Variants in PTTG1IP observed in about 807,000 individuals in gnomAD.
The protein encoded by PTTG1IP is pituitary tumor-transforming gene 1 protein-interacting protein.
A neutral mutation model predicts 24.4 loss-of-function variants in PTTG1IP; 16 were observed. That is an observed-to-expected ratio of 0.66 (90% confidence interval 0.44 to 1.00). The LOEUF (loss-of-function observed/expected upper bound fraction) is 1.00. PTTG1IP is among the 50% of genes least tolerant of loss of function. The pLI is 0.00. For missense variants in PTTG1IP, 241 were observed against 245.8 expected (o/e 0.98, Z 0.13); for synonymous variants, 89 against 96.8 (o/e 0.92, Z 0.47).
At chr21:44,852,256 C>T (rs2083417005) in intron 5 of PTTG1IP, among the ~76,000 whole-genome samples, 2 of 151,968 alleles carry the variant, frequency 1.3e-5, no homozygotes, top group African/African-American at 4.8e-5. Flanking sequence ...AGTCTCGGCT[C>T]ACTGCAATCT....
At chr21:44,857,000 A>G (rs1026768359) in intron 3 of PTTG1IP, among the ~76,000 whole-genome samples, 2 of 152,268 alleles carry the variant, frequency 1.3e-5, no homozygotes, top group African/African-American at 4.8e-5. Flanking sequence ...CCCTGTTATG[A>G]TTTCCTTAAC....
intron 1 of PTTG1IP, among the ~76,000 whole-genome samples, chr21:44,868,956 A>C (rs1220960580): frequency 2.0e-5 from 3 of 152,222 alleles, no homozygotes; most frequent in African/African-American, 4.8e-5. Flanking sequence ...AGTTATCTCC[A>C]CCATAACCCA....
At chr21:44,867,483 C>T (rs958507496) in intron 1 of PTTG1IP, among the ~76,000 whole-genome samples, 35 of 152,302 alleles carry the variant, frequency 2.3e-4, no homozygotes, top group African/African-American at 7.9e-4. Context: ...GTCTCGGTCG[C>T]GGCTATGTGG....
intron 1 of PTTG1IP, among the ~76,000 whole-genome samples, chr21:44,867,445 G>T (rs1363758712): frequency 6.6e-6 from 1 of 152,114 alleles, no homozygotes; most frequent in African/African-American, 2.4e-5. Context: ...ATGCGTGGGG[G>T]AGGCTGAATC....
intron 3 of PTTG1IP, among the ~76,000 whole-genome samples, chr21:44,857,032 C>T (rs1422293543): frequency 2.0e-5 from 3 of 152,220 alleles, no homozygotes; most frequent in African/African-American, 7.2e-5. Flanking sequence ...CACACGTGCA[C>T]ATTTAAAACA....
In PTTG1IP at chr21:44,873,584, C is replaced by A; in HGVS notation, c.33G>T (p.Pro11=). The stretch of plus-strand genomic sequence containing the variant: ...CGCCACCGAGGCGCAACCTCCAGTA[C>A]GGCGTCGGCCCGCGGGCCACTCCGG... MAPGVARGPT[P]YWRLRLGGAA... is the part of the protein sequence containing the mutation. The change falls in exon 1 of 6, where the codon CCG becomes CCT. Residue 11 remains proline, a synonymous_variant. Coordinates refer to ENST00000330938, the MANE Select transcript of PTTG1IP (RefSeq NM_004339.4). 1.4e-6 allele frequency: 2 copies of A among 1,461,598 alleles called. No homozygotes were observed. Among genetic ancestry groups the A allele is most frequent in the South Asian group, 1.3e-5 (1 of 76,820 alleles). The allele number at this position is 1,461,598 out of a possible 1,614,324, so 90.5% of individuals were successfully genotyped here. A position where few individuals can be genotyped will look rare whatever the true frequency, so the allele number is the denominator to read the frequency against.
intron 1 of PTTG1IP, among the ~76,000 whole-genome samples, chr21:44,870,511 GCAAGACTC>G (rs1387393046): frequency 1.6e-4 from 17 of 103,608 alleles, no homozygotes; most frequent in Non-Finnish European, 2.6e-4. Flanking sequence ...GGGCAACAGG[GCAAGACTC>G]CATCTCAAAA....
At chr21:44,856,091 A>G in intron 4 of PTTG1IP, 102 bp downstream of exon 4, 1 of 1,605,890 alleles carries the variant, frequency 6.2e-7, no homozygotes, top group Non-Finnish European at 8.5e-7. Context: ...TTAATTTCTA[A>G]AAACTGAGGA....
intron 2 of PTTG1IP, among the ~76,000 whole-genome samples, chr21:44,864,761 T>C (rs2083521915): frequency 6.6e-6 from 1 of 152,234 alleles, no homozygotes; most frequent in African/African-American, 2.4e-5. Flanking sequence ...GTGCTCCTTC[T>C]TCCAGGTGGG....
chr21:44,867,133 T>C (rs536073447), intron 1 of PTTG1IP, among the ~76,000 whole-genome samples: 97 of 152,294 alleles, frequency 6.4e-4, no homozygotes, highest in Admixed American at 1.3e-3. Context: ...GCATCAAGAA[T>C]AGCAAACATG....
intron 5 of PTTG1IP, among the ~76,000 whole-genome samples, chr21:44,853,293 G>A (rs1448196292): frequency 1.1e-4 from 17 of 152,168 alleles, no homozygotes. Context: ...GGATCACGAG[G>A]TCAGGAGATT....
chr21:44,860,844 G>A (rs1431129068), intron 3 of PTTG1IP, among the ~76,000 whole-genome samples: 4 of 151,800 alleles, frequency 2.6e-5, no homozygotes, highest in South Asian at 2.1e-4. Context: ...TCGCTCTGTC[G>A]CCAGGCTGGA....
chr21:44,860,005 A>G (rs1161672921), intron 3 of PTTG1IP, among the ~76,000 whole-genome samples: 1 of 152,228 alleles, frequency 6.6e-6, no homozygotes, highest in Non-Finnish European at 1.5e-5. Context: ...CTGAAGCCTA[A>G]AAGATTAATA....
At chr21:44,873,186 A>C (rs1465932542) in intron 1 of PTTG1IP, among the ~76,000 whole-genome samples, 1 of 152,122 alleles carries the variant, frequency 6.6e-6, no homozygotes, top group African/African-American at 2.4e-5. Context: ...GGGAGGCCGC[A>C]GGTGCCAAGC....
chr21:44,862,684 AG>A (rs1435864917), intron 2 of PTTG1IP, among the ~76,000 whole-genome samples: 4 of 152,232 alleles, frequency 2.6e-5, no homozygotes, highest in African/African-American at 9.6e-5. Context: ...TTAGGGCAAA[AG>A]TCTATTACAA....
intron 2 of PTTG1IP, among the ~76,000 whole-genome samples, 165 bp from the exon 3 acceptor site, chr21:44,861,436 C>T (rs1200424122): frequency 1.3e-5 from 2 of 152,204 alleles, no homozygotes; most frequent in African/African-American, 2.4e-5. Flanking sequence ...CAGCGCCCTT[C>T]GGTCCACACC....
Position 44,856,267 on chromosome 21 carries a change from C to T in PTTG1IP, c.375G>A (p.Arg125=). Residue 125 remains arginine, a synonymous_variant, in exon 4 of 6, where the codon AGG becomes AGA. Transcript: ENST00000330938. Reference sequence around the variant, plus strand: ...CCTCACTCCTGTCCGGCTTCCGGCTCCTCTTCCTCCTGCAGCAGCAGCAGC... The same window carrying T: ...CCTCACTCCTGTCCGGCTTCCGGCTTCTCTTCCTCCTGCAGCAGCAGCAGC... ...ICCCCCCRRK[R]SRKPDRSEEK... The T allele has an allele frequency of 1.2e-6, 2 of 1,614,192 alleles. No homozygotes were observed.
chr21:44,873,509 G>C lies in PTTG1IP; in HGVS notation c.108C>G (p.Pro36=). 5 of 1,451,966 alleles carry C rather than the reference G, an allele frequency of 3.4e-6. No homozygotes were observed. Among genetic ancestry groups the C allele is most frequent in the Non-Finnish European group, 4.5e-6 (5 of 1,107,822 alleles). The allele number at this position is 1,451,966 out of a possible 1,614,324, so 89.9% of individuals were successfully genotyped here. Residue 36 remains proline, a synonymous_variant, in exon 1 of 6, where the codon CCC becomes CCG. Coordinates refer to ENST00000330938, the MANE Select transcript of PTTG1IP (RefSeq NM_004339.4). ...LIPVAAAQEP[P]GAACSQNTNK... is the part of the protein sequence containing the mutation. The stretch of plus-strand genomic sequence containing the variant: ...CCGCCCCGGCGCCCTCACCAGCTCC[G>C]GGAGGCTCCTGCGCGGCGGCCACCG...
intron 5 of PTTG1IP, among the ~76,000 whole-genome samples, 160 bp from the exon 6 acceptor site, chr21:44,851,787 T>C (rs987695225): frequency 5.3e-5 from 8 of 152,176 alleles, no homozygotes; most frequent in African/African-American, 1.9e-4. Context: ...TTTTTTGAAG[T>C]CAAACCACTT....
Sources: allele counts gnomAD v4.1 joint callset (sites outside exome capture counted in the v4.1 genomes callset), GRCh38; gene constraint gnomAD v4.1.1; transcripts MANE v1.5; gene names NCBI Gene and HGNC (gene_info 2026-07-23, HGNC 2026-07-21).